The following TTC23 variants were observed in gnomAD, a reference collection of about 807,000 sequenced individuals.
The protein encoded by TTC23 is tetratricopeptide repeat domain 23, also known as tetratricopeptide repeat protein 23.
Under a neutral mutation model 55.1 loss-of-function variants are expected in TTC23, and 58 were observed. The ratio of observed to expected loss-of-function variants is 1.05; its 90% CI spans 0.85 to 1.31. The LOEUF is 1.31. Among genes scored for constraint, TTC23 ranks in the 50% most tolerant of loss-of-function variants. TTC23 has a pLI of 0.00. For synonymous variants in TTC23, 203 were observed against 199.9 expected (o/e 1.02, Z -0.13); for missense variants, 516 against 534.4 (o/e 0.97, Z 0.34).
intron 8 of TTC23, among the ~76,000 whole-genome samples, chr15:99,218,178 T>C (rs1197278392): frequency 6.6e-6 from 1 of 152,238 alleles, no homozygotes; most frequent in Non-Finnish European, 1.5e-5. Context: ...CCTTTCGTGA[T>C]CATGGATTCA....
At chr15:99,193,172 G>A (rs906798499) in intron 9 of TTC23, among the ~76,000 whole-genome samples, 3 of 152,298 alleles carry the variant, frequency 2.0e-5, no homozygotes, top group East Asian at 1.9e-4. Context: ...ACTTTGGACC[G>A]TGGACTTCTG....
intron 9 of TTC23, among the ~76,000 whole-genome samples, chr15:99,177,405 T>C (rs1469668779): frequency 6.6e-6 from 1 of 152,226 alleles, no homozygotes; most frequent in East Asian, 1.9e-4. Flanking sequence ...AGGTCTGACT[T>C]AAATGTTTTC....
intron 5 of TTC23, among the ~76,000 whole-genome samples, chr15:99,226,337 A>G (rs1414398128): frequency 6.6e-6 from 1 of 152,174 alleles, no homozygotes; most frequent in East Asian, 1.9e-4. Context: ...AACACTGAAG[A>G]ATTTGGGGGT....
In TTC23 at chr15:99,182,242, TCTCTCTCACACACA is replaced by T. The variant is rs778659642; in HGVS notation, c.760-7101_760-7088del. ...CCAGAAATCTCTCTCTCTCTCTCTC[TCTCTCTCACACACA>T]CACACACACACACACACACACACAC... On this transcript the variant is annotated intron_variant, in intron 9 of 13. Coordinates refer to ENST00000394132, the MANE Select transcript of TTC23 (RefSeq NM_001288615.3). Among the ~76,000 whole-genome samples the T allele has an allele frequency of 5.4e-3, 568 of 104,442 alleles. 1 individual carries two copies. Among genetic ancestry groups the T allele is most frequent in the Non-Finnish European group, 7.0e-3 (350 of 50,164 alleles). 68.5% of individuals were successfully genotyped at this position (104,442 alleles called of 152,430 possible).
chr15:99,167,496 T>A (rs1227875059), intron 10 of TTC23, among the ~76,000 whole-genome samples: 1 of 152,186 alleles, frequency 6.6e-6, no homozygotes, highest in East Asian at 1.9e-4. Flanking sequence ...TGTCTGTGAG[T>A]TAGAGCAGGG....
At chr15:99,225,110 G>A (rs988670147) in intron 5 of TTC23, among the ~76,000 whole-genome samples, 5 of 152,320 alleles carry the variant, frequency 3.3e-5, no homozygotes, top group South Asian at 4.1e-4. Flanking sequence ...GATTTCCAGC[G>A]AAGAGGACGG....
At chr15:99,226,074 T>C (rs1161446655) in intron 5 of TTC23, among the ~76,000 whole-genome samples, 1 of 152,100 alleles carries the variant, frequency 6.6e-6, no homozygotes, top group South Asian at 2.1e-4. Flanking sequence ...TTCCAAGATA[T>C]CAAGATCATG....
At chr15:99,186,757 A>C (rs2074703508) in intron 9 of TTC23, among the ~76,000 whole-genome samples, 1 of 152,190 alleles carries the variant, frequency 6.6e-6, no homozygotes. Context: ...AGAAGTATAA[A>C]GATTATACTC....
rs141398356 is a variant in TTC23, at chr15:99,232,457, C to T, written c.-21+2531G>A. Among the ~76,000 whole-genome samples the T allele has an allele frequency of 6.5e-3, 962 of 147,390 alleles. 19 individuals are homozygous for T. The highest frequency in any genetic ancestry group is 0.022 in the African/African-American group (887 of 39,826). Reference sequence around the variant, plus strand: ...TCAAGCCACTGCACTCCAGCCTGGGCGACACAGTGAGACTCCATCTCAAAA... The same window carrying T: ...TCAAGCCACTGCACTCCAGCCTGGGTGACACAGTGAGACTCCATCTCAAAA... On this transcript the variant is annotated intron_variant, in intron 4 of 13. Transcript: ENST00000394132.
At chr15:99,243,073 T>C (rs538088411) in intron 2 of TTC23, among the ~76,000 whole-genome samples, 3 of 152,160 alleles carry the variant, frequency 2.0e-5, no homozygotes, top group Non-Finnish European at 4.4e-5. Context: ...ACCCACAGAA[T>C]GGGAGAAAAT....
At chr15:99,234,562 C>A (rs1387799374) in intron 4 of TTC23, among the ~76,000 whole-genome samples, 1 of 151,932 alleles carries the variant, frequency 6.6e-6, no homozygotes, top group African/African-American at 2.4e-5. Context: ...TTAGTAGAGA[C>A]AGGGTTTCAC....
chr15:99,189,004 A>G (rs1344047557), intron 9 of TTC23, among the ~76,000 whole-genome samples: 2 of 152,220 alleles, frequency 1.3e-5, no homozygotes, highest in Admixed American at 6.5e-5. Flanking sequence ...TCCCATGCCT[A>G]GGAATTTTCT....
chr15:99,159,870 G>C (rs1194761321), intron 11 of TTC23: 1 of 152,356 alleles, frequency 6.6e-6, no homozygotes, highest in African/African-American at 2.4e-5. Context: ...GAACTTGTTA[G>C]AGCGGTCCAG....
At chr15:99,164,613 C>T (rs2071804893) in intron 10 of TTC23, among the ~76,000 whole-genome samples, 1 of 152,180 alleles carries the variant, frequency 6.6e-6, no homozygotes, top group Non-Finnish European at 1.5e-5. Flanking sequence ...TAGAAATTTC[C>T]TCAATATTTG....
At chr15:99,186,660 C>T (rs1047903695) in intron 9 of TTC23, among the ~76,000 whole-genome samples, 1 of 151,976 alleles carries the variant, frequency 6.6e-6, no homozygotes, top group African/African-American at 2.4e-5. Flanking sequence ...TATTTCTATA[C>T]ATGAATAATT....
At chr15:99,204,655 T>TTTTTTTA (rs2076471281) in intron 8 of TTC23, among the ~76,000 whole-genome samples, 2 of 145,636 alleles carry the variant, frequency 1.4e-5, no homozygotes, top group African/African-American at 2.6e-5. Context: ...TTTTTTTTTT[T>TTTTTTTA]AGACAGGTCT....
intron 10 of TTC23, among the ~76,000 whole-genome samples, chr15:99,162,457 T>C (rs1004398917): frequency 6.6e-6 from 1 of 152,144 alleles, no homozygotes; most frequent in Non-Finnish European, 1.5e-5. Context: ...ACCTCAGGTA[T>C]GGAAAATGAC....
rs547103415 is a variant in TTC23, at chr15:99,201,129, A to G, written c.582-1033T>C. Among the ~76,000 whole-genome samples the G allele has an allele frequency of 4.6e-5, 7 of 152,310 alleles. 1 individual carries two copies. The highest frequency in any genetic ancestry group is 1.7e-4 in the African/African-American group (7 of 41,578). ...TACATTTCATGTTTGTGCTTTTCTA[A>G]ATTTCCCAAACTTCTATGAAAATGT... On this transcript the variant is annotated intron_variant, in intron 8 of 13. Transcript: ENST00000394132.
chr15:99,228,624 T>C lies in TTC23; in HGVS notation c.89A>G (p.Asn30Ser). Reference sequence around the variant, plus strand: ...GAATAGTGCTGTCTGAAGCAGCTTGTTTTGGAACTTCTTTCTATGAGTGAT... The same window carrying C: ...GAATAGTGCTGTCTGAAGCAGCTTGCTTTGGAACTTCTTTCTATGAGTGAT... ...VSITHRKKFQ[N>S]KLLQTALFQP... is the part of the protein sequence containing the mutation. Residue 30 changes from asparagine (N) to serine (S), a missense_variant, in exon 5 of 14, where the codon AAC becomes AGC. Coordinates refer to ENST00000394132, the MANE Select transcript of TTC23 (RefSeq NM_001288615.3). 2 of 1,613,986 alleles carry C rather than the reference T, an allele frequency of 1.2e-6. No homozygotes were observed. Among genetic ancestry groups the C allele is most frequent in the Non-Finnish European group, 1.7e-6 (2 of 1,179,914 alleles).
Sources: allele counts gnomAD v4.1 joint callset (sites outside exome capture counted in the v4.1 genomes callset), GRCh38; gene constraint gnomAD v4.1.1; transcripts MANE v1.5; gene names NCBI Gene and HGNC (gene_info 2026-07-23, HGNC 2026-07-21).